RPL14: variants seen among roughly 807,000 people sequenced by gnomAD.
RPL14 encodes the protein ribosomal protein L14.
Under a neutral mutation model 25.3 loss-of-function variants are expected in RPL14, and 4 were observed. The observed-to-expected ratio is 0.16, with a 90% CI of 0.08 to 0.36. RPL14 has a LOEUF of 0.36. Among genes scored for constraint, RPL14 ranks in the 10% least tolerant of loss-of-function variants. The probability of loss-of-function intolerance (pLI) is 1.00; values close to 1 mark genes in which losing one functional copy is unlikely to be tolerated. For missense variants in RPL14, 212 were observed against 261.9 expected, an observed-to-expected ratio of 0.81 and a Z score of 1.31; for synonymous variants, 75 against 89.8, an observed-to-expected ratio of 0.84 and a Z score of 0.93.
chr3:40,463,851 T>C lies in RPL14; in HGVS notation c.*1619T>C, dbSNP rs1696988048. The C allele has an allele frequency of 6.5e-6, 1 of 152,750 alleles. No individual in the cohort carries two copies. The highest frequency in any genetic ancestry group is 2.1e-4 in the South Asian group (1 of 4,862). The allele number at this position is 152,750 out of a possible 1,614,324, so 9.5% of individuals were successfully genotyped here. ...CTAAGTGTTTCAGATAAGAGATACT[T>C]ATCCTGTGTATAGTAGGTTGGACTT... On this transcript the variant is annotated 3_prime_UTR_variant, in exon 6 of 6. Transcript: ENST00000396203.
At position 40,464,724 on chromosome 3, in the gene RPL14, GAC is replaced by G; in HGVS notation, c.*2494_*2495del. On this transcript the variant is annotated 3_prime_UTR_variant, in exon 6 of 6. Transcript: ENST00000396203. ...AAGTTTGGCAGTAATCCAAGGAAGT[GAC>G]AGTGGTAATGCCATTTAGGTGGTCT... The G allele has an allele frequency of 3.1e-6, 1 of 321,512 alleles. No homozygotes were observed. Among genetic ancestry groups the G allele is most frequent in the East Asian group, 7.6e-5 (1 of 13,110 alleles). 19.9% of individuals were successfully genotyped at this position (321,512 alleles called of 1,614,324 possible).
At chr3:40,460,745 C>G (rs1696924877) in intron 3 of RPL14, among the ~76,000 whole-genome samples, 1 of 151,990 alleles carries the variant, frequency 6.6e-6, no homozygotes, top group Non-Finnish European at 1.5e-5. Flanking sequence ...CCACGCCCAG[C>G]TAATTTTTGT....
chr3:40,458,679 A>G lies in RPL14; in HGVS notation c.143A>G (p.Gln48Arg), dbSNP rs1227565422. The G allele has an allele frequency of 6.2e-7, 1 of 1,614,216 alleles. No homozygotes were observed. Among genetic ancestry groups the G allele is most frequent in the Non-Finnish European group, 8.5e-7 (1 of 1,180,030 alleles). Residue 48 changes from glutamine (Q) to arginine (R), a missense_variant, in exon 3 of 6, where the codon CAG becomes CGG. Transcript: ENST00000396203. The stretch of plus-strand genomic sequence containing the variant: ...GGACCTTGCACTCAAGTGAGGAGAC[A>G]GGCCATGCCTTTCAAGTGCATGCAG... Reference protein sequence around the residue: ...VDGPCTQVRRQAMPFKCMQLT... With the variant: ...VDGPCTQVRRRAMPFKCMQLT...
rs35229215 is a variant in RPL14 at position 40,462,373 on chromosome 3, C to CTTTTTTTTT, written c.*154_*162dup. 79 of 332,506 alleles carry CTTTTTTTTT rather than the reference C, an allele frequency of 2.4e-4. No individual in the cohort carries two copies. Among genetic ancestry groups the CTTTTTTTTT allele is most frequent in the African/African-American group, 2.2e-3 (62 of 28,648 alleles). 20.6% of individuals were successfully genotyped at this position (332,506 alleles called of 1,614,324 possible). A position where few individuals can be genotyped will look rare whatever the true frequency, so the allele number is the denominator to read the frequency against. On this transcript the variant is annotated 3_prime_UTR_variant, in exon 6 of 6. Transcript: ENST00000396203. ...ATAATAAACATTAAATAATCAGTTC[C>CTTTTTTTTT]TTTTTTTTTTTTTTTTTTTTTGAGA...
At chr3:40,457,802 T>TTAA (rs1696867559) in intron 1 of RPL14, 88 bp from the exon 2 acceptor site, 2 of 1,290,482 alleles carry the variant, frequency 1.5e-6, no homozygotes, top group Admixed American at 3.5e-5. Context: ...TTCGCTGAAT[T>TTAA]TAACCATGTT....
At chr3:40,461,320 A>T (rs759614358) in intron 3 of RPL14, 87 bp from the exon 4 acceptor site, 10 of 1,051,622 alleles carry the variant, frequency 9.5e-6, no homozygotes, top group Non-Finnish European at 1.5e-5. Flanking sequence ...TAACAGGAAG[A>T]GTGCTTTTCA....
intron 2 of RPL14, 26 bp downstream of exon 2, chr3:40,458,017 C>G (rs758593250): frequency 6.2e-5 from 98 of 1,587,154 alleles, no homozygotes; most frequent in Non-Finnish European, 8.2e-5. Flanking sequence ...TTTTACTAAA[C>G]ATGGCAGTGG....
At chr3:40,460,385 G>A (rs916477066) in intron 3 of RPL14, among the ~76,000 whole-genome samples, 1 of 152,024 alleles carries the variant, frequency 6.6e-6, no homozygotes, top group Admixed American at 6.6e-5. Context: ...CAGTGTGGTA[G>A]TGTACTCCTG....
In RPL14 at chr3:40,464,552, A is replaced by G; in HGVS notation, c.*2320A>G. 1 of 455,748 alleles carries G rather than the reference A, an allele frequency of 2.2e-6. No individual in the cohort carries two copies. Among genetic ancestry groups the G allele is most frequent in the Admixed American group, 2.4e-5 (1 of 42,490 alleles). The allele number at this position is 455,748 out of a possible 1,614,324, so 28.2% of individuals were successfully genotyped here. A position where few individuals can be genotyped will look rare whatever the true frequency, so the allele number is the denominator to read the frequency against. ...GACTGGCTCGGGACCACATCAAGGA[A>G]GTAGGTTAGTGGTTAGATCGTGTAG... is the stretch of plus-strand genomic sequence containing the variant. On this transcript the variant is annotated 3_prime_UTR_variant, in exon 6 of 6. Transcript: ENST00000396203.
chr3:40,457,509 G>T, intron 1 of RPL14, 35 bp downstream of exon 1: 2 of 1,497,736 alleles, frequency 1.3e-6, no homozygotes, highest in Admixed American at 2.0e-5. Context: ...CAGCGGAATC[G>T]GGCCCTTCCC....
rs1559529086 is a variant in RPL14 at position 40,461,925 on chromosome 3, T to C, written c.355-14T>C. 2 of 1,585,054 alleles carry C rather than the reference T, an allele frequency of 1.3e-6. No homozygotes were observed. Among genetic ancestry groups the C allele is most frequent in the Non-Finnish European group, 1.7e-6 (2 of 1,170,132 alleles). ...TATACACAATAAGTGCTTTCTTACA[T>C]TGATAATTTTCAGAGGAACAGAATA... On this transcript the variant is annotated splice_polypyrimidine_tract_variant and intron_variant, in intron 5 of 5. Coordinates refer to ENST00000396203, the MANE Select transcript of RPL14 (RefSeq NM_001034996.3).
At position 40,467,510 on chromosome 3, in the gene RPL14, A is replaced by G. The variant is rs1272356947; in HGVS notation, c.*5278A>G. 2.6e-5 allele frequency: 4 copies of G among 152,538 alleles called. No individual in the cohort carries two copies. Among genetic ancestry groups the G allele is most frequent in the Middle Eastern group, 3.4e-3 (1 of 294 alleles). 9.4% of individuals were successfully genotyped at this position (152,538 alleles called of 1,614,324 possible). A position where few individuals can be genotyped will look rare whatever the true frequency, so the allele number is the denominator to read the frequency against. ...CACGCTTCCTCCCCCATTTTGTTCT[A>G]TTTGAACCTTCCGTGGATAGGATGA... On this transcript the variant is annotated 3_prime_UTR_variant, in exon 6 of 6. Coordinates refer to ENST00000396203, the MANE Select transcript of RPL14 (RefSeq NM_001034996.3).
Position 40,458,002 on chromosome 3 carries a change from C to G in RPL14, c.105+11C>G. The G allele has an allele frequency of 6.2e-7, 1 of 1,608,908 alleles. No individual in the cohort carries two copies. The highest frequency in any genetic ancestry group is 8.5e-7 in the Non-Finnish European group (1 of 1,175,370). On this transcript the variant is annotated intron_variant, in intron 2 of 5. Transcript: ENST00000396203. ...ATTGATCAGAACAGGGTAAGTGTCA[C>G]AACTTTTTACTAAACATGGCAGTGG...
Position 40,458,756 on chromosome 3 carries a change from T to A in RPL14, c.200+20T>A. 1 of 1,594,606 alleles carries A rather than the reference T, an allele frequency of 6.3e-7. No individual in the cohort carries two copies. Among genetic ancestry groups the A allele is most frequent in the Non-Finnish European group, 8.6e-7 (1 of 1,162,396 alleles). On this transcript the variant is annotated intron_variant, in intron 3 of 5. Coordinates refer to ENST00000396203, the MANE Select transcript of RPL14 (RefSeq NM_001034996.3). ...GCACAGGTAACTGTCCACTAATCAC[T>A]CCTCCCTCCCATCCCCAGATTTGTT...
At chr3:40,460,445 G>A (rs1218436391) in intron 3 of RPL14, among the ~76,000 whole-genome samples, 1 of 151,776 alleles carries the variant, frequency 6.6e-6, no homozygotes, top group African/African-American at 2.4e-5. Context: ...TAGAACCTAG[G>A]AAGCAGAGGT....
intron 2 of RPL14, 31 bp downstream of exon 2, chr3:40,458,022 C>CCATGTTT: frequency 1.3e-6 from 2 of 1,569,676 alleles, no homozygotes; most frequent in Non-Finnish European, 1.8e-6. Flanking sequence ...CTAAACATGG[C>CCATGTTT]AGTGGACATG....
At chr3:40,460,590 G>A (rs1158073206) in intron 3 of RPL14, among the ~76,000 whole-genome samples, 3 of 143,962 alleles carry the variant, frequency 2.1e-5, no homozygotes, top group Non-Finnish European at 3.0e-5. Flanking sequence ...ATAGTCAGAG[G>A]TGGGTTTTTT....
rs1559529277 is a variant in RPL14, at chr3:40,462,096, A to G, written c.512A>G (p.Lys171Arg). The G allele has an allele frequency of 1.2e-6, 2 of 1,610,468 alleles. No individual in the cohort carries two copies. The highest frequency in any genetic ancestry group is 1.7e-6 in the Non-Finnish European group (2 of 1,178,118). The change falls in exon 6 of 6, where the codon AAA (lysine) becomes AGA (arginine). Residue 171 changes from lysine (K) to arginine (R), a missense_variant. Physicochemically the swap from Lys to Arg is conservative, Grantham distance 26. Coordinates refer to ENST00000396203, the MANE Select transcript of RPL14 (RefSeq NM_001034996.3). ...VPAKKITAAS[K>R]KAPAQKVPAQ... is the part of the protein sequence containing the mutation. ...GCAAAAAAGATCACCGCCGCGAGTA[A>G]AAAGGCTCCAGCCCAGAAGGTTCCT...
intron 3 of RPL14, among the ~76,000 whole-genome samples, chr3:40,459,876 A>AAAAAAC (rs1245679019): frequency 6.6e-6 from 1 of 151,214 alleles, no homozygotes; most frequent in African/African-American, 2.4e-5. Context: ...AAAAAAAAAA[A>AAAAAAC]AAAACTTACT....
Sources: allele counts gnomAD v4.1 joint callset (sites outside exome capture counted in the v4.1 genomes callset), GRCh38; gene constraint gnomAD v4.1.1; transcripts MANE v1.5; gene names NCBI Gene and HGNC (gene_info 2026-07-23, HGNC 2026-07-21).